The following PRKAG2 variants were observed in gnomAD, a reference collection of about 807,000 sequenced individuals.
PRKAG2 encodes 5'-AMP-activated protein kinase subunit gamma-2.
Under a neutral mutation model 69.6 loss-of-function variants are expected in PRKAG2, and 26 were observed. The observed-to-expected ratio is 0.37, with a 90% CI of 0.27 to 0.52. PRKAG2 has a LOEUF of 0.52. Ranked by LOEUF, PRKAG2 falls within the 20% of genes least tolerant of loss-of-function variation. The probability of loss-of-function intolerance (pLI) is 0.90; values close to 1 mark genes in which losing one functional copy is unlikely to be tolerated. For synonymous variants in PRKAG2, 293 were observed against 285.0 expected, an observed-to-expected ratio of 1.03 and a Z score of -0.28; for missense variants, 557 against 740.0, an observed-to-expected ratio of 0.75 and a Z score of 2.87.
intron 6 of PRKAG2, among the ~76,000 whole-genome samples, chr7:151,577,992 G>T (rs938831045): frequency 3.2e-4 from 46 of 142,164 alleles, no homozygotes; most frequent in African/African-American, 1.2e-3. Context: ...GTATGGTTAT[G>T]TTTTTTTTTT....
At chr7:151,761,605 A>C (rs567715639) in intron 3 of PRKAG2, among the ~76,000 whole-genome samples, 11 of 152,238 alleles carry the variant, frequency 7.2e-5, no homozygotes, top group Non-Finnish European at 1.3e-4. Flanking sequence ...TATCCATGAA[A>C]ACTGCTAACC....
intron 5 of PRKAG2, among the ~76,000 whole-genome samples, chr7:151,622,691 G>C (rs1189205978): frequency 6.6e-6 from 1 of 152,180 alleles, no homozygotes; most frequent in Non-Finnish European, 1.5e-5. Context: ...TTTCCTGAGA[G>C]CATTTCTCAG....
chr7:151,787,121 AC>A (rs1178625279), intron 1 of PRKAG2, among the ~76,000 whole-genome samples: 1 of 152,174 alleles, frequency 6.6e-6, no homozygotes, highest in Non-Finnish European at 1.5e-5. Flanking sequence ...TTGCCTCCAC[AC>A]CAGGCAGAAT....
chr7:151,571,014 A>G (rs1035386909), intron 9 of PRKAG2, among the ~76,000 whole-genome samples: 1 of 150,564 alleles, frequency 6.6e-6, no homozygotes, highest in African/African-American at 2.5e-5. Context: ...CAAGTGATCC[A>G]CCTACTTCAG....
chr7:151,700,458 G>A (rs774260816), intron 3 of PRKAG2, among the ~76,000 whole-genome samples: 67 of 152,232 alleles, frequency 4.4e-4, no homozygotes, highest in Non-Finnish European at 9.0e-4. Context: ...GAGATACGCG[G>A]CTGTAGGCCA....
chr7:151,745,831 C>T (rs541742924), intron 3 of PRKAG2, among the ~76,000 whole-genome samples: 20 of 152,314 alleles, frequency 1.3e-4, no homozygotes, highest in African/African-American at 4.3e-4. Flanking sequence ...ATGGAGGGCT[C>T]GGTGGGGCCC....
At chr7:151,579,813 A>G (rs1809909682) in intron 6 of PRKAG2, among the ~76,000 whole-genome samples, 1 of 152,130 alleles carries the variant, frequency 6.6e-6, no homozygotes, top group Non-Finnish European at 1.5e-5. Flanking sequence ...CTAGAGGGGG[A>G]AAAGACACAT....
At chr7:151,832,358 C>T (rs1482025835) in intron 1 of PRKAG2, among the ~76,000 whole-genome samples, 43 of 152,078 alleles carry the variant, frequency 2.8e-4, no homozygotes, top group Admixed American at 2.8e-3. Context: ...AGGAGACCTG[C>T]TTGTTGGGGG....
At chr7:151,844,694 G>T (rs56797687) in intron 1 of PRKAG2, among the ~76,000 whole-genome samples, 3,466 of 152,256 alleles carry the variant, frequency 0.023, 136 homozygotes, top group African/African-American at 0.078. Context: ...AACTTTCTGT[G>T]GCTCACTGTC....
At chr7:151,581,601 G>T (rs1387320882) in intron 6 of PRKAG2, among the ~76,000 whole-genome samples, 1 of 152,110 alleles carries the variant, frequency 6.6e-6, no homozygotes, top group African/African-American at 2.4e-5. Context: ...AAAAACCCAA[G>T]AATAAATATT....
In PRKAG2 at chr7:151,678,019, C is replaced by T. The variant is rs76336597; in HGVS notation, c.467-2382G>A. Among the ~76,000 whole-genome samples, 492 of 152,274 alleles carry T rather than the reference C, an allele frequency of 3.2e-3. 1 individual carries two copies. Among genetic ancestry groups the T allele is most frequent in the Non-Finnish European group, 5.5e-3 (372 of 68,018 alleles). On this transcript the variant is annotated intron_variant, in intron 3 of 15. Transcript: ENST00000287878. ...GGTCTGGACAAGGCTGCGTCACCTA[C>T]AGAGCCACAGGCCTGGTTCACTCTC...
chr7:151,683,752 G>T (rs1834240670), intron 3 of PRKAG2, among the ~76,000 whole-genome samples: 1 of 152,176 alleles, frequency 6.6e-6, no homozygotes, highest in South Asian at 2.1e-4. Context: ...CACAGCCAGA[G>T]AGGGACAGGA....
intron 6 of PRKAG2, among the ~76,000 whole-genome samples, chr7:151,588,128 G>C (rs1399970735): frequency 1.3e-5 from 2 of 152,134 alleles, no homozygotes; most frequent in African/African-American, 2.4e-5. Context: ...CCTAGGGTGT[G>C]AGGATTCCAT....
At chr7:151,853,944 A>T (rs1164788470) in intron 1 of PRKAG2, among the ~76,000 whole-genome samples, 2 of 151,944 alleles carry the variant, frequency 1.3e-5, no homozygotes, top group South Asian at 2.1e-4. Flanking sequence ...CCCACCGAAA[A>T]ACCAAAAACA....
chr7:151,770,674 CA>C (rs2075978643), intron 3 of PRKAG2, among the ~76,000 whole-genome samples: 1 of 152,194 alleles, frequency 6.6e-6, no homozygotes, highest in Non-Finnish European at 1.5e-5. Context: ...TGAGGTCTCG[CA>C]GGTTTTCTGG....
chr7:151,706,820 C>T (rs1054477794), intron 3 of PRKAG2, among the ~76,000 whole-genome samples: 6 of 152,332 alleles, frequency 3.9e-5, no homozygotes, highest in African/African-American at 9.6e-5. Context: ...CAACCTGAGC[C>T]GGAGGCCACG....
At chr7:151,648,767 T>C (rs1351348452) in intron 4 of PRKAG2, among the ~76,000 whole-genome samples, 1 of 152,068 alleles carries the variant, frequency 6.6e-6, no homozygotes, top group East Asian at 1.9e-4. Context: ...ATGTCTGTAG[T>C]CCCAGCTACG....
rs552461771 is a variant in PRKAG2, at chr7:151,655,967, G to A, written c.684+19453C>T. On this transcript the variant is annotated intron_variant, in intron 4 of 15. Coordinates refer to ENST00000287878, the MANE Select transcript of PRKAG2 (RefSeq NM_016203.4). ...GTTATTTCTCTGTGACATGGTAAAAGTCAAACAGGCAAACTTAATTTGTAA... is the reference window on the plus strand; with the variant it reads ...GTTATTTCTCTGTGACATGGTAAAAATCAAACAGGCAAACTTAATTTGTAA... Among the ~76,000 whole-genome samples, 18 of 152,294 alleles carry A rather than the reference G, an allele frequency of 1.2e-4. No individual in the cohort carries two copies. The South Asian group carries it at 3.7e-3, about 32-fold the overall frequency.
intron 1 of PRKAG2, among the ~76,000 whole-genome samples, chr7:151,842,799 T>C (rs1048312540): frequency 6.6e-6 from 1 of 151,754 alleles, no homozygotes; most frequent in Non-Finnish European, 1.5e-5. Flanking sequence ...GGTGGTAGCA[T>C]GGGGATGCTG....
Sources: gnomAD v4.1 joint callset for allele counts (sites outside exome capture counted in the v4.1 genomes callset) on GRCh38, gnomAD v4.1.1 for gene constraint, MANE v1.5 for transcripts, NCBI Gene and HGNC (gene_info 2026-07-23, HGNC 2026-07-21) for gene names.